Variants in DOCK8 observed in about 807,000 individuals in gnomAD.
The protein encoded by DOCK8 is dedicator of cytokinesis protein 8.
Under a neutral mutation model 245.6 loss-of-function variants are expected in DOCK8, and 141 were observed. The ratio of observed to expected loss-of-function variants is 0.57; its 90% CI spans 0.50 to 0.66. DOCK8 has a LOEUF of 0.66. Ranked by LOEUF, DOCK8 falls within the 30% of genes least tolerant of loss-of-function variation. The pLI, the probability that DOCK8 is intolerant of heterozygous loss-of-function variation, is 0.00. For missense variants in DOCK8, 2,965 were observed against 2,603.4 expected (o/e 1.14, Z -3.02); for synonymous variants, 1,168 against 970.2 (o/e 1.20, Z -3.79).
At chr9:215,149 C>G (rs1314871977) in intron 1 of DOCK8, 120 bp downstream of exon 1, 2 of 1,475,510 alleles carry the variant, frequency 1.4e-6, no homozygotes, top group Non-Finnish European at 1.8e-6. Context: ...CGGGGCGCGC[C>G]TGAGACCTGG....
chr9:350,107 C>G (rs2131008005), intron 14 of DOCK8, among the ~76,000 whole-genome samples: 1 of 152,124 alleles, frequency 6.6e-6, no homozygotes, highest in South Asian at 2.1e-4. Flanking sequence ...TTTCTCATGC[C>G]CTTCTTTCAT....
intron 1 of DOCK8, among the ~76,000 whole-genome samples, chr9:227,572 G>A (rs2022011): frequency 0.31 from 47,007 of 152,042 alleles, 8,557 homozygotes; most frequent in African/African-American, 0.5. Context: ...CTTTGTTTTT[G>A]TAAACCACTG....
intron 13 of DOCK8, among the ~76,000 whole-genome samples, 166 bp from the exon 14 acceptor site, chr9:339,993 A>G (rs1225713832): frequency 6.6e-6 from 1 of 152,250 alleles, no homozygotes; most frequent in African/African-American, 2.4e-5. Context: ...CTCGAAAGTT[A>G]TCATGACACA....
chr9:382,376 T>G, intron 21 of DOCK8, 137 bp from the exon 22 acceptor site: 2 of 1,221,398 alleles, frequency 1.6e-6, no homozygotes, highest in Non-Finnish European at 2.4e-6. Flanking sequence ...CCAACCAGGA[T>G]TTGTTAAGAA....
Position 415,021 on chromosome 9 carries a change from C to G in DOCK8, c.3700+70C>G. On this transcript the variant is annotated intron_variant, in intron 29 of 47. Coordinates refer to ENST00000432829, the MANE Select transcript of DOCK8 (RefSeq NM_203447.4). The stretch of plus-strand genomic sequence containing the variant: ...GCCAAATGCCCCATCCGAATGAGAT[C>G]TCTGTCATTCGTTCCAGTGCTGATA... 3 of 1,572,816 alleles carry G rather than the reference C, an allele frequency of 1.9e-6. No individual in the cohort carries two copies. The South Asian group carries it at 3.3e-5, about 18-fold the overall frequency.
intron 10 of DOCK8, among the ~76,000 whole-genome samples, chr9:333,466 T>C (rs747305199): frequency 2.6e-5 from 4 of 152,100 alleles, no homozygotes; most frequent in East Asian, 1.9e-4. Flanking sequence ...CCGGGCATGG[T>C]GGCACGTGCC....
intron 26 of DOCK8, among the ~76,000 whole-genome samples, chr9:402,218 T>C (rs1044505856): frequency 1.3e-5 from 2 of 152,224 alleles, no homozygotes; most frequent in Non-Finnish European, 2.9e-5. Context: ...TTCCTTTCTT[T>C]TCTCTTGCTC....
intron 18 of DOCK8, 118 bp downstream of exon 18, chr9:372,404 C>T (rs971345485): frequency 1.2e-5 from 10 of 832,312 alleles, no homozygotes; most frequent in Non-Finnish European, 1.9e-5. Context: ...TCAGAGAGCA[C>T]ATTGTTCTGA....
intron 30 of DOCK8, 58 bp downstream of exon 30, chr9:418,265 T>C (rs1002574365): frequency 1.9e-6 from 3 of 1,604,780 alleles, no homozygotes; most frequent in Non-Finnish European, 2.6e-6. Context: ...TGTCTTCTGT[T>C]TTGTTTTGTT....
At chr9:282,362 T>C (rs1266921805) in intron 2 of DOCK8, among the ~76,000 whole-genome samples, 4 of 151,996 alleles carry the variant, frequency 2.6e-5, no homozygotes, top group Non-Finnish European at 4.4e-5. Flanking sequence ...TTTTCATCAT[T>C]TGTGGCTTTG....
At chr9:425,538 CAAAA>C (rs35853132) in intron 33 of DOCK8, among the ~76,000 whole-genome samples, 37 of 54,390 alleles carry the variant, frequency 6.8e-4, no homozygotes, top group African/African-American at 1.9e-3. Flanking sequence ...GACTCCGTCT[CAAAA>C]AAAAAAAAAA....
chr9:361,988 A>G (rs2052753235), intron 14 of DOCK8, among the ~76,000 whole-genome samples: 1 of 152,164 alleles, frequency 6.6e-6, no homozygotes, highest in Non-Finnish European at 1.5e-5. Context: ...TTTCAAAGAG[A>G]TACCCAGGAA....
At chr9:239,925 C>G (rs1284065727) in intron 1 of DOCK8, among the ~76,000 whole-genome samples, 1 of 152,166 alleles carries the variant, frequency 6.6e-6, no homozygotes, top group Admixed American at 6.5e-5. Flanking sequence ...CGTAATTTAA[C>G]TCAGTCTGTA....
At chr9:326,234 G>A (rs1448620209) in intron 8 of DOCK8, among the ~76,000 whole-genome samples, 1 of 152,184 alleles carries the variant, frequency 6.6e-6, no homozygotes. Flanking sequence ...GTCATTTTGT[G>A]ACTCCTAGAA....
chr9:461,179 T>G (rs189277630), intron 46 of DOCK8, among the ~76,000 whole-genome samples: 2 of 152,296 alleles, frequency 1.3e-5, no homozygotes, highest in African/African-American at 4.8e-5. Context: ...TTCTAAAGAT[T>G]TTCTCTGTCT....
At chr9:316,957 G>T in intron 6 of DOCK8, 86 bp from the exon 7 acceptor site, 1 of 1,053,030 alleles carries the variant, frequency 9.5e-7, no homozygotes, top group South Asian at 1.3e-5. Flanking sequence ...AGCCGTGGAG[G>T]GTAGCCTTCC....
At chr9:412,365 A>G (rs748788012) in intron 28 of DOCK8, among the ~76,000 whole-genome samples, 1 of 149,700 alleles carries the variant, frequency 6.7e-6, no homozygotes, top group Non-Finnish European at 1.5e-5. Context: ...AGATCACGCT[A>G]CTGCACTCCA....
At chr9:366,511 T>C (rs1586812971) in intron 14 of DOCK8, 1 of 152,230 alleles carries the variant, frequency 6.6e-6, no homozygotes, top group Non-Finnish European at 1.5e-5. Flanking sequence ...CCCTGTGCCC[T>C]AACTTTTCTT....
At chr9:408,885 C>CGT (rs1241439531) in intron 28 of DOCK8, among the ~76,000 whole-genome samples, 5 of 123,280 alleles carry the variant, frequency 4.1e-5, no homozygotes, top group African/African-American at 1.7e-4. Flanking sequence ...CACACACACA[C>CGT]ACGCACACAC....
Sources: allele counts gnomAD v4.1 joint callset (sites outside exome capture counted in the v4.1 genomes callset), GRCh38; gene constraint gnomAD v4.1.1; transcripts MANE v1.5; gene names NCBI Gene and HGNC (gene_info 2026-07-23, HGNC 2026-07-21).